CUL4A: variants seen among roughly 807,000 people sequenced by gnomAD.
The protein encoded by CUL4A is cullin 4A, also known as cullin-4A.
Under a neutral mutation model 95.5 loss-of-function variants are expected in CUL4A, and 16 were observed. The ratio of observed to expected loss-of-function variants is 0.17; its 90% CI spans 0.11 to 0.25. The LOEUF (loss-of-function observed/expected upper bound fraction) is 0.25. CUL4A is among the 10% of genes least tolerant of loss of function. The pLI is 1.00. For missense variants in CUL4A, 610 were observed against 937.0 expected (o/e 0.65, Z 4.56); for synonymous variants, 380 against 353.1 (o/e 1.08, Z -0.85).
chr13:113,235,948 G>A (rs2041528034), intron 8 of CUL4A, among the ~76,000 whole-genome samples: 1 of 150,960 alleles, frequency 6.6e-6, no homozygotes, highest in Admixed American at 6.6e-5. Flanking sequence ...TCCAGCCTGG[G>A]CGACAGAGCG....
chr13:113,254,628 T>G (rs2042075970), intron 16 of CUL4A, 65 bp from the exon 17 acceptor site: 1 of 1,146,220 alleles, frequency 8.7e-7, no homozygotes, highest in South Asian at 1.5e-5. Flanking sequence ...AAAAGAAGCT[T>G]CTTTTAATTT....
chr13:113,220,321 G>A lies in CUL4A; in HGVS notation c.368+1273G>A, dbSNP rs575259539. Among the ~76,000 whole-genome samples the A allele has an allele frequency of 1.4e-4, 22 of 152,350 alleles. No homozygotes were observed. In the East Asian group the frequency reaches 1.9e-3, roughly 13 times the overall value. ...TTCCAGCTCTGTTGTGCTGGCTTCT[G>A]TAAATACGCCTCTGCAGTGTTTTCC... is the stretch of plus-strand genomic sequence containing the variant. On this transcript the variant is annotated intron_variant, in intron 3 of 19. Transcript: ENST00000375440.
intron 15 of CUL4A, among the ~76,000 whole-genome samples, chr13:113,248,915 A>G (rs940077986): frequency 3.3e-5 from 5 of 152,066 alleles, no homozygotes; most frequent in African/African-American, 1.2e-4. Context: ...TTGCTTTCGA[A>G]TATTTTTGAC....
intron 10 of CUL4A, among the ~76,000 whole-genome samples, chr13:113,241,061 C>G (rs978621004): frequency 6.6e-6 from 1 of 152,148 alleles, no homozygotes; most frequent in Admixed American, 6.5e-5. Context: ...ATGTATCAGT[C>G]CAGCTGTGGA....
chr13:113,244,453 C>G lies in CUL4A; in HGVS notation c.1272C>G (p.Ala424=), dbSNP rs1203770656. The change falls in exon 12 of 20, where the codon GCC becomes GCG. Residue 424 remains alanine, a synonymous_variant. Transcript: ENST00000375440. Reference sequence around the variant, plus strand: ...AGTTAAGAGCAGGCAACAAAGAAGCCACAGACGAGGAGCTGGAGCGGACGT... The same window carrying G: ...AGTTAAGAGCAGGCAACAAAGAAGCGACAGACGAGGAGCTGGAGCGGACGT... ...DSKLRAGNKE[A]TDEELERTLD... 1 of 1,613,834 alleles carries G rather than the reference C, an allele frequency of 6.2e-7. No individual in the cohort carries two copies. The highest frequency in any genetic ancestry group is 1.1e-5 in the South Asian group (1 of 90,970).
chr13:113,257,998 G>C (rs2042173185), intron 18 of CUL4A, among the ~76,000 whole-genome samples: 1 of 151,862 alleles, frequency 6.6e-6, no homozygotes, highest in South Asian at 2.1e-4. Flanking sequence ...CTATTTCATA[G>C]CCAGCCATTT....
At chr13:113,225,732 A>C (rs1171489195) in intron 3 of CUL4A, among the ~76,000 whole-genome samples, 1 of 152,196 alleles carries the variant, frequency 6.6e-6, no homozygotes, top group Non-Finnish European at 1.5e-5. Context: ...CTGGAGTCAG[A>C]GCTGCAGGAT....
intron 8 of CUL4A, among the ~76,000 whole-genome samples, chr13:113,235,954 G>C (rs2041528358): frequency 1.3e-5 from 2 of 148,358 alleles, no homozygotes; most frequent in Non-Finnish European, 3.0e-5. Context: ...CTGGGCGACA[G>C]AGCGAGACTC....
At chr13:113,234,785 G>A (rs2041482644) in intron 7 of CUL4A, among the ~76,000 whole-genome samples, 1 of 152,164 alleles carries the variant, frequency 6.6e-6, no homozygotes, top group African/African-American at 2.4e-5. Context: ...GGAGGAGGGT[G>A]TGCACAGACC....
chr13:113,211,859 G>A (rs2040458872), intron 2 of CUL4A, among the ~76,000 whole-genome samples: 1 of 152,164 alleles, frequency 6.6e-6, no homozygotes, highest in South Asian at 2.1e-4. Context: ...TTTTGCAAGT[G>A]ACTGCCCCTT....
intron 2 of CUL4A, among the ~76,000 whole-genome samples, chr13:113,211,183 T>G (rs2040425668): frequency 6.6e-6 from 1 of 152,264 alleles, no homozygotes. Context: ...TGTTACTATA[T>G]TTTGCGATTT....
intron 3 of CUL4A, among the ~76,000 whole-genome samples, chr13:113,224,151 G>C (rs6577033): frequency 0.97 from 147,550 of 152,236 alleles, 71,646 homozygotes; most frequent in Non-Finnish European, 1. Flanking sequence ...AGGAGATCGA[G>C]ACCATCCTGG....
Position 113,246,070 on chromosome 13 carries a change from G to A in CUL4A, c.1638+7G>A. ...AGTGCACTTAACCCCAGAAGTAAGT[G>A]TGCAGAAAGCATGCTGTCCGCTCCC... On this transcript the variant is annotated splice_region_variant and intron_variant, in intron 15 of 19. Coordinates refer to ENST00000375440, the MANE Select transcript of CUL4A (RefSeq NM_001008895.4). 1 of 1,607,592 alleles carries A rather than the reference G, an allele frequency of 6.2e-7. No homozygotes were observed. The highest frequency in any genetic ancestry group is 8.5e-7 in the Non-Finnish European group (1 of 1,174,892).
At position 113,243,084 on chromosome 13, in the gene CUL4A, G is replaced by C. The variant is rs759425072; in HGVS notation, c.1152G>C (p.Glu384Asp). 1.1e-5 allele frequency: 17 copies of C among 1,614,076 alleles called. No individual in the cohort carries two copies. The South Asian group carries it at 1.9e-4, about 18-fold the overall frequency. ...HVIEVCFQKN[E>D]RFVNLMKESF... ...TCGAGGTCTGCTTCCAGAAGAATGA[G>C]CGGTTCGTCAACCTGATGAAGGAGT... The change falls in exon 11 of 20, where the codon GAG (glutamate) becomes GAC (aspartate). Residue 384 changes from glutamate to aspartate, a missense_variant. Physicochemically the swap from Glu to Asp is conservative, Grantham distance 45 (BLOSUM62 2). Coordinates refer to ENST00000375440, the MANE Select transcript of CUL4A (RefSeq NM_001008895.4).
In CUL4A at chr13:113,232,013, C is replaced by T. The variant is rs1323541485; in HGVS notation, c.513-1164C>T. ...ACCCGCCTACCACTGTTACTACTGC[C>T]ACCACCACCACCACCATTACTGCTG... On this transcript the variant is annotated intron_variant, in intron 5 of 19. Coordinates refer to ENST00000375440, the MANE Select transcript of CUL4A (RefSeq NM_001008895.4). Among the ~76,000 whole-genome samples the T allele has an allele frequency of 1.3e-5, 2 of 150,268 alleles. 1 individual carries two copies. Among genetic ancestry groups the T allele is most frequent in the Non-Finnish European group, 3.0e-5 (2 of 67,486 alleles).
intron 5 of CUL4A, 60 bp from the exon 6 acceptor site, chr13:113,233,117 C>G (rs760091183): frequency 7.2e-6 from 11 of 1,534,812 alleles, no homozygotes; most frequent in Non-Finnish European, 9.8e-6. Context: ...GCTGGAGATT[C>G]ACCCATAACT....
chr13:113,255,213 T>C, intron 18 of CUL4A, 88 bp downstream of exon 18: 1 of 903,688 alleles, frequency 1.1e-6, no homozygotes, highest in South Asian at 1.8e-5. Context: ...GTTAGAGGCC[T>C]GAAGCACATT....
rs546119536 is a variant in CUL4A, at chr13:113,228,778, T to C, written c.439-668T>C. On this transcript the variant is annotated intron_variant, in intron 4 of 19. Coordinates refer to ENST00000375440, the MANE Select transcript of CUL4A (RefSeq NM_001008895.4). The stretch of plus-strand genomic sequence containing the variant: ...TAACAGGAACTCAGGTTTTAAAAGC[T>C]AAGTGCATCTCCCTAATCTAGTAAG... 9.3e-4 allele frequency among the ~76,000 whole-genome samples: 141 copies of C among 151,978 alleles called. 1 individual carries two copies. Among genetic ancestry groups the C allele is most frequent in the African/African-American group, 3.4e-3 (139 of 41,468 alleles).
At chr13:113,217,303 A>T (rs552602535) in intron 2 of CUL4A, among the ~76,000 whole-genome samples, 2 of 152,388 alleles carry the variant, frequency 1.3e-5, no homozygotes, top group East Asian at 3.9e-4. Flanking sequence ...TGACCAAATT[A>T]TGAAGATATG....
Sources: gnomAD v4.1 joint callset for allele counts (sites outside exome capture counted in the v4.1 genomes callset) on GRCh38, gnomAD v4.1.1 for gene constraint, MANE v1.5 for transcripts, NCBI Gene and HGNC (gene_info 2026-07-23, HGNC 2026-07-21) for gene names.